Variants in SNTG1 observed in about 807,000 individuals in gnomAD.
SNTG1 encodes the protein gamma-1-syntrophin.
Under a neutral mutation model 74.7 loss-of-function variants are expected in SNTG1, and 39 were observed. The ratio of observed to expected loss-of-function variants is 0.52; its 90% CI spans 0.40 to 0.68. SNTG1 has a LOEUF of 0.68. Ranked by LOEUF, SNTG1 falls within the 30% of genes least tolerant of loss-of-function variation. The probability of loss-of-function intolerance (pLI) is 0.00; values close to 1 mark genes in which losing one functional copy is unlikely to be tolerated. For synonymous variants in SNTG1, 254 were observed against 217.1 expected (o/e 1.17, Z -1.49); for missense variants, 685 against 609.5 (o/e 1.12, Z -1.30).
intron 1 of SNTG1, among the ~76,000 whole-genome samples, chr8:49,950,043 T>C (rs1432889891): frequency 1.3e-5 from 2 of 152,120 alleles, no homozygotes; most frequent in Non-Finnish European, 2.9e-5. Flanking sequence ...AGGAGAATTG[T>C]TTGAACCTGT....
chr8:49,925,031 C>A (rs1321129615), intron 1 of SNTG1, among the ~76,000 whole-genome samples: 1 of 151,740 alleles, frequency 6.6e-6, no homozygotes, highest in Non-Finnish European at 1.5e-5. Context: ...TGTGTGCTGG[C>A]AGTTACAGCT....
rs1320896507 is a variant in SNTG1 at position 50,708,749 on chromosome 8, T to C, written c.1192-137T>C. On this transcript the variant is annotated intron_variant, in intron 16 of 18. Coordinates refer to ENST00000642720, the MANE Select transcript of SNTG1 (RefSeq NM_018967.5). ...ATTAACATTAAAATGTTGATAATACTCCCTTCTTTATACAATTATTGTTAA... is the reference window on the plus strand; with the variant it reads ...ATTAACATTAAAATGTTGATAATACCCCCTTCTTTATACAATTATTGTTAA... 23 of 593,324 alleles carry C rather than the reference T, an allele frequency of 3.9e-5. No individual in the cohort carries two copies. In the East Asian group the frequency reaches 5.9e-4, roughly 15 times the overall value. 36.8% of individuals were successfully genotyped at this position (593,324 alleles called of 1,614,324 possible).
intron 4 of SNTG1, among the ~76,000 whole-genome samples, chr8:50,428,756 T>C (rs1363174825): frequency 6.6e-6 from 1 of 152,126 alleles, no homozygotes; most frequent in Non-Finnish European, 1.5e-5. Context: ...TGTAAAAGAA[T>C]TTATAGGAAA....
chr8:50,551,589 C>A (rs1370806053), intron 11 of SNTG1, among the ~76,000 whole-genome samples: 2 of 152,160 alleles, frequency 1.3e-5, no homozygotes, highest in Non-Finnish European at 2.9e-5. Context: ...AAACTTCTGT[C>A]TGAATACTTT....
chr8:50,683,499 A>G (rs538877176), intron 15 of SNTG1, among the ~76,000 whole-genome samples: 11 of 152,164 alleles, frequency 7.2e-5, no homozygotes, highest in Non-Finnish European at 1.3e-4. Flanking sequence ...TTTATCTGAC[A>G]AAATGTGCAG....
At chr8:49,975,530 A>T (rs1004924889) in intron 1 of SNTG1, among the ~76,000 whole-genome samples, 3 of 151,584 alleles carry the variant, frequency 2.0e-5, no homozygotes, top group Admixed American at 6.6e-5. Context: ...CAATCTGATA[A>T]TTTTTTTTTC....
At chr8:50,378,068 C>A (rs2092419711) in intron 2 of SNTG1, among the ~76,000 whole-genome samples, 1 of 152,234 alleles carries the variant, frequency 6.6e-6, no homozygotes, top group Non-Finnish European at 1.5e-5. Flanking sequence ...GCTCATGCTA[C>A]CAGCCTGGAT....
At chr8:50,769,691 C>T (rs1406560565) in intron 18 of SNTG1, among the ~76,000 whole-genome samples, 5 of 151,966 alleles carry the variant, frequency 3.3e-5, no homozygotes, top group Non-Finnish European at 7.4e-5. Flanking sequence ...ATTCATCATG[C>T]CACCTTAACA....
intron 1 of SNTG1, among the ~76,000 whole-genome samples, chr8:49,997,587 T>A (rs766523321): frequency 5.3e-5 from 8 of 152,114 alleles, no homozygotes; most frequent in Non-Finnish European, 1.0e-4. Flanking sequence ...CAATAAACAC[T>A]CATCTTAGTG....
chr8:49,955,233 T>C (rs1011958299), intron 1 of SNTG1, among the ~76,000 whole-genome samples: 1 of 152,260 alleles, frequency 6.6e-6, no homozygotes, highest in Non-Finnish European at 1.5e-5. Flanking sequence ...GTGTACTGAC[T>C]GGACAATTCA....
intron 2 of SNTG1, among the ~76,000 whole-genome samples, chr8:50,217,767 T>A (rs1244519398): frequency 6.6e-6 from 1 of 152,122 alleles, no homozygotes; most frequent in African/African-American, 2.4e-5. Flanking sequence ...GGCCAGAGAG[T>A]GATGGAGAAG....
chr8:50,072,503 A>G (rs139045473), intron 1 of SNTG1, among the ~76,000 whole-genome samples: 295 of 152,290 alleles, frequency 1.9e-3, no homozygotes, highest in African/African-American at 6.6e-3. Flanking sequence ...AAACATAATA[A>G]TAGAAATCCA....
At chr8:50,277,837 G>A (rs78853723) in intron 2 of SNTG1, among the ~76,000 whole-genome samples, 8,072 of 151,872 alleles carry the variant, frequency 0.053, 244 homozygotes, top group Middle Eastern at 0.12. Context: ...TAATTATACC[G>A]TATTAATTTT....
chr8:50,121,597 A>T (rs2080999433), intron 1 of SNTG1, among the ~76,000 whole-genome samples: 1 of 142,814 alleles, frequency 7.0e-6, no homozygotes. Flanking sequence ...TTGTGCCAGT[A>T]TTTTAGAATA....
chr8:50,701,019 A>G (rs2095421777), intron 15 of SNTG1, among the ~76,000 whole-genome samples: 1 of 152,206 alleles, frequency 6.6e-6, no homozygotes, highest in African/African-American at 2.4e-5. Context: ...AGTTTTGCTA[A>G]GAGAATAGAA....
In SNTG1 at chr8:50,126,293, G is replaced by C. The variant is rs2081136787; in HGVS notation, c.-102-46268G>C. ...TGGCTATTTTTAATTGGTTGTGCCAGGCTGTGTAGGTTGTGCCAGGCTGTA... is the reference window on the plus strand; with the variant it reads ...TGGCTATTTTTAATTGGTTGTGCCACGCTGTGTAGGTTGTGCCAGGCTGTA... On this transcript the variant is annotated intron_variant, in intron 1 of 18. Transcript: ENST00000642720. 2.0e-5 allele frequency among the ~76,000 whole-genome samples: 3 copies of C among 152,100 alleles called. No individual in the cohort carries two copies. The South Asian group carries it at 6.2e-4, about 32-fold the overall frequency.
At chr8:50,111,656 T>TA (rs1490868381) in intron 1 of SNTG1, among the ~76,000 whole-genome samples, 4 of 152,124 alleles carry the variant, frequency 2.6e-5, no homozygotes, top group African/African-American at 4.8e-5. Flanking sequence ...TTAAAACTCT[T>TA]ATTAAAGAGA....
At chr8:50,587,335 A>T (rs964497369) in intron 12 of SNTG1, among the ~76,000 whole-genome samples, 1 of 152,100 alleles carries the variant, frequency 6.6e-6, no homozygotes, top group African/African-American at 2.4e-5. Flanking sequence ...TATCAATCTT[A>T]TCAATCTTAT....
chr8:50,000,732 G>A (rs318913), intron 1 of SNTG1, among the ~76,000 whole-genome samples: 118,409 of 152,102 alleles, frequency 0.78, 46,235 homozygotes, highest in East Asian at 0.84. Context: ...CTTTACAAAT[G>A]TAGTCAAAAA....
Sources: gnomAD v4.1 joint callset for allele counts (sites outside exome capture counted in the v4.1 genomes callset) on GRCh38, gnomAD v4.1.1 for gene constraint, MANE v1.5 for transcripts, NCBI Gene and HGNC (gene_info 2026-07-23, HGNC 2026-07-21) for gene names.